Variants in USP50 observed in about 807,000 individuals in gnomAD.
USP50 encodes the protein ubiquitin carboxyl-terminal hydrolase 50.
In USP50, 37 loss-of-function variants were observed where a neutral mutation model predicts 39.2. That is an observed-to-expected ratio of 0.94 (90% CI 0.73 to 1.24). The LOEUF (loss-of-function observed/expected upper bound fraction) is 1.24. Ranked by LOEUF, USP50 falls within the 50% of genes most tolerant of loss-of-function variation. The pLI is 0.00. For missense variants in USP50, 374 were observed against 398.2 expected (o/e 0.94, Z 0.52); for synonymous variants, 139 against 144.5 (o/e 0.96, Z 0.27).
chr15:50,532,896 C>T (rs888159117), intron 5 of USP50, among the ~76,000 whole-genome samples: 1 of 152,156 alleles, frequency 6.6e-6, no homozygotes, highest in African/African-American at 2.4e-5. Context: ...ACTGCATCTT[C>T]TAACATGTGA....
chr15:50,544,449 G>A, intron 2 of USP50, 138 bp downstream of exon 2: 1 of 679,154 alleles, frequency 1.5e-6, no homozygotes, highest in Admixed American at 3.2e-5. Context: ...ACTTACTCTA[G>A]CGTGTTATCT....
At chr15:50,529,724 A>G (rs962572951) in intron 6 of USP50, 73 bp downstream of exon 6, 2 of 1,516,348 alleles carry the variant, frequency 1.3e-6, no homozygotes, top group Non-Finnish European at 1.8e-6. Flanking sequence ...GACAGGAGAA[A>G]TAGGGATTCA....
At chr15:50,525,512 A>ATATATGTATATATGTATATG (rs1402066475) in intron 6 of USP50, among the ~76,000 whole-genome samples, 4 of 117,080 alleles carry the variant, frequency 3.4e-5, no homozygotes, top group African/African-American at 1.0e-4. Flanking sequence ...GTGTGTGTAT[A>ATATATGTATATATGTATATG]TATATGTATA....
In USP50 at chr15:50,543,598, C is replaced by CT. The variant is rs762195774; in HGVS notation, c.443dup (p.Tyr149ValfsTer10). On this transcript the variant is annotated frameshift_variant and splice_region_variant, in exon 3 of 7. Transcript: ENST00000532404. LOFTEE classifies it high-confidence loss of function. ...TTTCAAGGTCATTAACTCTACTTAC[C>CT]TTTTTTAGAGCTTCATGAAGTTCAT... The CT allele has an allele frequency of 6.4e-5, 103 of 1,611,734 alleles. No individual in the cohort carries two copies. The highest frequency in any genetic ancestry group is 4.4e-4 in the African/African-American group (33 of 74,878).
chr15:50,510,332 G>C (rs1451874642), intron 6 of USP50: 1 of 152,110 alleles, frequency 6.6e-6, no homozygotes, highest in Admixed American at 6.6e-5. Flanking sequence ...TCTTAAATGA[G>C]ACACAGAAAA....
chr15:50,495,302 AC>A (rs2052345059), intron 1 of USP50, among the ~76,000 whole-genome samples: 3 of 67,630 alleles, frequency 4.4e-5, no homozygotes, highest in Non-Finnish European at 8.6e-5. Flanking sequence ...ATACATATAT[AC>A]GTGTATATAT....
intron 6 of USP50, among the ~76,000 whole-genome samples, chr15:50,524,711 T>A (rs2052874993): frequency 6.6e-6 from 1 of 152,212 alleles, no homozygotes; most frequent in Non-Finnish European, 1.5e-5. Context: ...TATAAAGATT[T>A]AAACAACTAA....
At position 50,538,761 on chromosome 15, in the gene USP50, C is replaced by T; in HGVS notation, c.751G>A (p.Val251Met). The T allele has an allele frequency of 1.2e-6, 2 of 1,613,476 alleles. No individual in the cohort carries two copies. Among genetic ancestry groups the T allele is most frequent in the Non-Finnish European group, 1.7e-6 (2 of 1,179,668 alleles). ...SFCETKQETA[V>M]RASISKAPKI... Reference sequence around the variant, plus strand: ...GGTGCTTTGGAAATACTGGCCCTCACAGCAGTTTCTTGCTTGGTTTCACAA... The same window carrying T: ...GGTGCTTTGGAAATACTGGCCCTCATAGCAGTTTCTTGCTTGGTTTCACAA... The change falls in exon 5 of 7, where the codon GTG (valine) becomes ATG (methionine). Residue 251 changes from valine to methionine, a missense_variant. Coordinates refer to ENST00000532404, the MANE Select transcript of USP50 (RefSeq NM_203494.5).
At position 50,495,486 on chromosome 15, in the gene USP50, A is replaced by AGGG. The variant is rs553634288; in HGVS notation, n.185-1359_185-1357dup. ...TTTTTCTTTTTTTAGTAGAGATTGGAGGGGGGGGTCTCACTATGTTGCACA... is the reference window on the plus strand; with the variant it reads ...TTTTTCTTTTTTTAGTAGAGATTGGAGGGGGGGGGGGTCTCACTATGTTGCACA... On this transcript the variant is annotated intron_variant and non_coding_transcript_variant, in intron 1 of 1. Coordinates refer to the USP50 transcript ENST00000560159. Among the ~76,000 whole-genome samples the AGGG allele has an allele frequency of 4.7e-5, 5 of 106,838 alleles. 1 individual carries two copies. The highest frequency in any genetic ancestry group is 7.1e-4 in the South Asian group (2 of 2,804). 70.1% of individuals were successfully genotyped at this position (106,838 alleles called of 152,430 possible).
rs780546687 is a variant in USP50 at position 50,544,599 on chromosome 15, G to T, written c.236C>A (p.Thr79Asn). The T allele has an allele frequency of 6.2e-7, 1 of 1,613,230 alleles. No homozygotes were observed. Among genetic ancestry groups the T allele is most frequent in the Admixed American group, 1.7e-5 (1 of 59,902 alleles). ...VEYFLTGKYITALQNDCSEVA... is the reference protein window; with the variant it reads ...VEYFLTGKYINALQNDCSEVA... ...CAAATGGTCTTACTTTTGCAGAGCG[G>T]TGATATACTTCCCGGTGAGAAAGTA... is the stretch of plus-strand genomic sequence containing the variant. Residue 79 changes from threonine (T) to asparagine (N), a missense_variant, in exon 2 of 7, where the codon ACC becomes AAC. Thr to Asn is a moderately conservative substitution (Grantham distance 65). Coordinates refer to ENST00000532404, the MANE Select transcript of USP50 (RefSeq NM_203494.5).
chr15:50,523,335 A>AT (rs1054232176), intron 6 of USP50, among the ~76,000 whole-genome samples: 46 of 147,232 alleles, frequency 3.1e-4, no homozygotes, highest in East Asian at 2.8e-3. Context: ...ATACTTGGCT[A>AT]TTTTTTTTTT....
downstream of USP50, among the ~76,000 whole-genome samples, chr15:50,497,966 G>A (rs1273638299): frequency 1.3e-5 from 2 of 152,056 alleles, no homozygotes; most frequent in African/African-American, 4.8e-5. Flanking sequence ...TTTCTCTTGT[G>A]TAAATTTTTC....
downstream of USP50, chr15:50,499,163 T>C (rs1168439938): frequency 7.0e-7 from 1 of 1,431,410 alleles, no homozygotes; most frequent in African/African-American, 1.4e-5. Flanking sequence ...ATCAGGATAA[T>C]GGTAGCTATA....
At chr15:50,528,566 G>A (rs1047627487) in intron 6 of USP50, among the ~76,000 whole-genome samples, 9 of 152,074 alleles carry the variant, frequency 5.9e-5, no homozygotes, top group African/African-American at 2.2e-4. Flanking sequence ...TGCACTGTTC[G>A]GGAATCTACA....
downstream of USP50, chr15:50,500,480 C>A: frequency 3.2e-6 from 1 of 311,606 alleles, no homozygotes; most frequent in South Asian, 4.7e-5. Flanking sequence ...GAACCAAGAC[C>A]CATCTTCTGG....
intron 6 of USP50, chr15:50,502,157 G>C (rs2052599250): frequency 6.6e-6 from 1 of 152,146 alleles, no homozygotes; most frequent in African/African-American, 2.4e-5. Flanking sequence ...GCCCAGGCTG[G>C]AATGCAGTGG....
At chr15:50,542,454 ATGTTTT>A (rs1196616979) in intron 3 of USP50, among the ~76,000 whole-genome samples, 1 of 117,006 alleles carries the variant, frequency 8.5e-6, no homozygotes, top group Admixed American at 8.4e-5. Flanking sequence ...TGCCATGAAT[ATGTTTT>A]TGTTTTTTTT....
intron 4 of USP50, among the ~76,000 whole-genome samples, chr15:50,539,860 T>A (rs549825429): frequency 6.6e-6 from 1 of 152,192 alleles, no homozygotes; most frequent in South Asian, 2.1e-4. Flanking sequence ...AGACCCCATA[T>A]CCATAGGAGA....
At chr15:50,495,764 A>ACTTTTTGTT, downstream of USP50, 1 of 1,092,110 alleles carries the variant, frequency 9.2e-7, no homozygotes, top group Admixed American at 2.6e-5. Flanking sequence ...TAAATCTGGC[A>ACTTTTTGTT]AGTGTTTGTA....
Sources: allele counts gnomAD v4.1 joint callset (sites outside exome capture counted in the v4.1 genomes callset), GRCh38; gene constraint gnomAD v4.1.1; transcripts MANE v1.5; gene names NCBI Gene and HGNC (gene_info 2026-07-23, HGNC 2026-07-21).